TRRAP: variants seen among roughly 807,000 people sequenced by gnomAD.
TRRAP encodes transformation/transcription domain associated protein.
In TRRAP, 41 loss-of-function variants were observed where a neutral mutation model predicts 438.8. The ratio of observed to expected loss-of-function variants is 0.09; its 90% CI spans 0.07 to 0.12. TRRAP has a LOEUF of 0.12. Ranked by LOEUF, TRRAP falls within the 10% of genes least tolerant of loss-of-function variation. The pLI is 1.00. For missense variants in TRRAP, 3,122 were observed against 5,055.1 expected (o/e 0.62, Z 11.60); for synonymous variants, 1,994 against 1,962.9 (o/e 1.02, Z -0.42).
intron 7 of TRRAP, among the ~76,000 whole-genome samples, chr7:98,897,406 C>T (rs1554405923): frequency 6.6e-6 from 1 of 152,162 alleles, no homozygotes. Context: ...TGTATTTAAT[C>T]ATTTATTAGC....
chr7:98,963,135 C>A (rs1404951123), intron 47 of TRRAP, among the ~76,000 whole-genome samples: 11 of 152,228 alleles, frequency 7.2e-5, no homozygotes, highest in African/African-American at 1.9e-4. Flanking sequence ...TCTATACACA[C>A]GTATACAAAT....
intron 21 of TRRAP, among the ~76,000 whole-genome samples, chr7:98,923,037 C>G (rs1004724005): frequency 3.3e-5 from 5 of 152,110 alleles, no homozygotes; most frequent in Non-Finnish European, 7.4e-5. Flanking sequence ...GCCTCATCCC[C>G]AGCCCTCCCC....
chr7:98,943,254 A>C (rs558802548), intron 31 of TRRAP, among the ~76,000 whole-genome samples: 2 of 151,866 alleles, frequency 1.3e-5, no homozygotes, highest in East Asian at 3.9e-4. Context: ...CTTTAATATG[A>C]CTCTTCTGTT....
chr7:98,993,906 C>T lies in TRRAP; in HGVS notation c.10047+169C>T, dbSNP rs540099761. ...TAGCTATCTCTGCACACTAGTACAG[C>T]CTTAAAGATTCAAAGTACAAGACAT... is the stretch of plus-strand genomic sequence containing the variant. On this transcript the variant is annotated intron_variant, in intron 66 of 72. Coordinates refer to ENST00000456197, the MANE Select transcript of TRRAP (RefSeq NM_001375524.1). Among the ~76,000 whole-genome samples, 16 of 152,284 alleles carry T rather than the reference C, an allele frequency of 1.1e-4. No homozygotes were observed. The South Asian group carries it at 2.9e-3, about 28-fold the overall frequency.
rs148805494 is a variant in TRRAP at position 98,959,754 on chromosome 7, A to G, written c.6489+264A>G. ...GTCTGGGCAGCATAGTGAGATCCCA[A>G]TTCTACAAAAGAGAAGACAGAAAAT... On this transcript the variant is annotated intron_variant, in intron 45 of 72. Transcript: ENST00000456197. 2.2e-4 allele frequency among the ~76,000 whole-genome samples: 34 copies of G among 152,086 alleles called. No homozygotes were observed. The East Asian group carries it at 3.1e-3, about 14-fold the overall frequency.
chr7:98,980,798 G>GATCC (rs1792882016), intron 58 of TRRAP, among the ~76,000 whole-genome samples: 1 of 152,142 alleles, frequency 6.6e-6, no homozygotes, highest in Non-Finnish European at 1.5e-5. Context: ...TCACGCCTGT[G>GATCC]ATCCCAACGC....
At position 98,994,534 on chromosome 7, in the gene TRRAP, G is replaced by T. The variant is rs1356456919; in HGVS notation, c.10048-53G>T. On this transcript the variant is annotated intron_variant, in intron 66 of 72. Coordinates refer to ENST00000456197, the MANE Select transcript of TRRAP (RefSeq NM_001375524.1). The surrounding 1 kb of genome is among the most constrained non-coding windows in gnomAD (Gnocchi z 4.8). ...ACTCAATAGGCGCTTTTGGCTGCTG[G>T]TTCTGGAGTGGAGGGCTGTGTTTGT... is the stretch of plus-strand genomic sequence containing the variant. The T allele has an allele frequency of 6.2e-7, 1 of 1,607,660 alleles. No homozygotes were observed. Among genetic ancestry groups the T allele is most frequent in the East Asian group, 2.2e-5 (1 of 44,818 alleles).
chr7:98,998,975 A>G (rs1171758603), intron 67 of TRRAP: 4 of 611,870 alleles, frequency 6.5e-6, no homozygotes, highest in Middle Eastern at 3.8e-4. Context: ...CCCGTGGTAC[A>G]GCCAGGCCCT....
Position 99,007,046 on chromosome 7 carries a change from C to T in TRRAP, c.10754-1331C>T, listed in dbSNP as rs118041335. ...CTGGCAGGTTGTAGATTAACTGCAT[C>T]TCCAATACCGAATGGTGATTGGGAA... On this transcript the variant is annotated intron_variant, in intron 69 of 72. Transcript: ENST00000456197. Among the ~76,000 whole-genome samples the T allele has an allele frequency of 8.7e-4, 132 of 152,336 alleles. 4 individuals carry two copies. The East Asian group carries it at 0.024, about 27-fold the overall frequency.
In TRRAP at chr7:99,008,369, C is replaced by A; in HGVS notation, c.10754-8C>A. ...CAGCCTGCCCCGTTTCTCTTCCTCT[C>A]TCCCCAGTGCCCCGGGTTGTGGCAG... On this transcript the variant is annotated splice_polypyrimidine_tract_variant and splice_region_variant and intron_variant, in intron 69 of 72. Coordinates refer to ENST00000456197, the MANE Select transcript of TRRAP (RefSeq NM_001375524.1). 6.2e-7 allele frequency: 1 copy of A among 1,613,234 alleles called. No homozygotes were observed. The highest frequency in any genetic ancestry group is 8.5e-7 in the Non-Finnish European group (1 of 1,179,446).
At chr7:99,007,147 T>C (rs934801790) in intron 69 of TRRAP, among the ~76,000 whole-genome samples, 1 of 152,230 alleles carries the variant, frequency 6.6e-6, no homozygotes. Flanking sequence ...TGCTGGTTGC[T>C]TTCCTTATGT....
chr7:98,932,903 C>CA (rs746159636), intron 26 of TRRAP, among the ~76,000 whole-genome samples: 5 of 151,578 alleles, frequency 3.3e-5, no homozygotes, highest in Non-Finnish European at 7.4e-5. Context: ...TTGAGATTTG[C>CA]AAAAAACAGT....
intron 23 of TRRAP, 148 bp downstream of exon 23, chr7:98,927,514 G>T (rs1790107801): frequency 9.3e-7 from 1 of 1,072,724 alleles, no homozygotes; most frequent in Non-Finnish European, 1.3e-6. Context: ...TTCCATTTAC[G>T]ACATTGATAA....
chr7:98,965,582 A>G (rs1278022702), intron 48 of TRRAP, 114 bp from the exon 49 acceptor site: 4 of 1,449,780 alleles, frequency 2.8e-6, no homozygotes, highest in African/African-American at 1.4e-5. Context: ...GTTGCAGGAA[A>G]AAACATTGAG....
intron 67 of TRRAP, 113 bp from the exon 68 acceptor site, chr7:99,004,077 A>G: frequency 1.8e-6 from 2 of 1,086,550 alleles, no homozygotes; most frequent in Non-Finnish European, 1.3e-6. Flanking sequence ...TCATCTCAAA[A>G]CAAACAAACA....
At chr7:98,927,020 G>A in intron 22 of TRRAP, 147 bp from the exon 23 acceptor site, 2 of 865,662 alleles carry the variant, frequency 2.3e-6, no homozygotes, top group Non-Finnish European at 3.5e-6. Flanking sequence ...CTCCATCCAG[G>A]TGTTGCTGAA....
At chr7:98,992,105 A>G in intron 64 of TRRAP, 32 bp from the exon 65 acceptor site, 2 of 1,606,160 alleles carry the variant, frequency 1.2e-6, no homozygotes, top group Non-Finnish European at 1.7e-6. Flanking sequence ...AGCAGAGAGC[A>G]GCACTGTTTA....
In TRRAP at chr7:98,980,845, G is replaced by A. The variant is rs10246971; in HGVS notation, c.8635-924G>A. On this transcript the variant is annotated intron_variant, in intron 58 of 72. Transcript: ENST00000456197. ...AAGGCAGGCAGATCACTTGAGCCCA[G>A]GAGTTTGAGACCAGCCTGGGTAACA... 3.6e-3 allele frequency among the ~76,000 whole-genome samples: 554 copies of A among 152,316 alleles called. 1 individual carries two copies. Among genetic ancestry groups the A allele is most frequent in the African/African-American group, 0.013 (526 of 41,570 alleles).
chr7:98,960,191 G>A (rs1167349914), intron 45 of TRRAP, among the ~76,000 whole-genome samples: 2 of 152,160 alleles, frequency 1.3e-5, no homozygotes, highest in Non-Finnish European at 2.9e-5. Flanking sequence ...TTGTTATCAA[G>A]TACCATGTAG....
Sources: allele counts gnomAD v4.1 joint callset (sites outside exome capture counted in the v4.1 genomes callset), GRCh38; gene constraint gnomAD v4.1.1; non-coding constraint Gnocchi (gnomAD v3.1); transcripts MANE v1.5; gene names NCBI Gene and HGNC (gene_info 2026-07-23, HGNC 2026-07-21).